KALRN: variants seen among roughly 807,000 people sequenced by gnomAD.
KALRN encodes kalirin RhoGEF kinase.
A neutral mutation model predicts 353.7 loss-of-function variants in KALRN; 70 were observed. The ratio of observed to expected loss-of-function variants is 0.20; its 90% CI spans 0.16 to 0.24. The LOEUF is 0.24. Ranked by LOEUF, KALRN falls within the 10% of genes least tolerant of loss-of-function variation. KALRN has a pLI of 1.00. For missense variants in KALRN, 2,791 were observed against 3,756.7 expected (o/e 0.74, Z 6.72); for synonymous variants, 1,391 against 1,434.8 (o/e 0.97, Z 0.69).
Position 124,511,583 on chromosome 3 carries a change from C to T in KALRN, c.4935+15170C>T, listed in dbSNP as rs142741356. Among the ~76,000 whole-genome samples the T allele has an allele frequency of 2.0e-5, 3 of 152,294 alleles. No homozygotes were observed. The East Asian group carries it at 5.8e-4, about 29-fold the overall frequency. ...GAAGAAGAGCATGGCTCCCAAACCACATAGCACTTTCTAGGACCTAGAGCC... is the reference window on the plus strand; with the variant it reads ...GAAGAAGAGCATGGCTCCCAAACCATATAGCACTTTCTAGGACCTAGAGCC... On this transcript the variant is annotated intron_variant, in intron 33 of 59. Transcript: ENST00000682506.
At chr3:124,646,049 A>G (rs1161737427) in intron 37 of KALRN, among the ~76,000 whole-genome samples, 1 of 152,094 alleles carries the variant, frequency 6.6e-6, no homozygotes, top group Admixed American at 6.5e-5. Flanking sequence ...TTTTGTTCTT[A>G]ATAGCCATCC....
rs577805523 is a variant in KALRN, at chr3:124,081,150, C to G, written c.73+47337C>G. On this transcript the variant is annotated intron_variant, in intron 1 of 59. Transcript: ENST00000682506. ...CCAGACTCACCTTCTATGACATTCTCCTGTCTACTGTAGCGGGACTGTCAT... is the reference window on the plus strand; with the variant it reads ...CCAGACTCACCTTCTATGACATTCTGCTGTCTACTGTAGCGGGACTGTCAT... 2.6e-5 allele frequency among the ~76,000 whole-genome samples: 4 copies of G among 152,350 alleles called. No homozygotes were observed. In the South Asian group the frequency reaches 8.3e-4, roughly 32 times the overall value.
intron 10 of KALRN, among the ~76,000 whole-genome samples, chr3:124,371,451 G>A (rs1303003104): frequency 1.3e-5 from 2 of 152,118 alleles, no homozygotes; most frequent in Non-Finnish European, 2.9e-5. Flanking sequence ...TATATATCCA[G>A]TAACAGAATT....
intron 37 of KALRN, among the ~76,000 whole-genome samples, chr3:124,638,159 G>A (rs1329684889): frequency 6.6e-6 from 1 of 152,116 alleles, no homozygotes; most frequent in African/African-American, 2.4e-5. Context: ...CTATTGGGCA[G>A]TCTTATTAAT....
chr3:124,234,714 T>C, intron 2 of KALRN, 115 bp from the exon 3 acceptor site: 1 of 763,574 alleles, frequency 1.3e-6, no homozygotes, highest in Non-Finnish European at 2.2e-6. Context: ...ACCAGATTTC[T>C]CTGGATACCC....
At chr3:124,103,624 C>T (rs1226913880) in intron 1 of KALRN, among the ~76,000 whole-genome samples, 1 of 152,050 alleles carries the variant, frequency 6.6e-6, no homozygotes, top group African/African-American at 2.4e-5. Flanking sequence ...GCTCGCTGCC[C>T]TTAGGGAGCT....
intron 5 of KALRN, among the ~76,000 whole-genome samples, chr3:124,282,670 C>A (rs1481025636): frequency 1.3e-5 from 2 of 152,218 alleles, no homozygotes; most frequent in African/African-American, 4.8e-5. Flanking sequence ...AGCCACCACG[C>A]CTGGCCTCTA....
At chr3:124,557,118 T>A (rs1577960421) in intron 33 of KALRN, among the ~76,000 whole-genome samples, 1 of 152,120 alleles carries the variant, frequency 6.6e-6, no homozygotes, top group Non-Finnish European at 1.5e-5. Flanking sequence ...ACACATGCAG[T>A]TTTGTCACCT....
intron 34 of KALRN, among the ~76,000 whole-genome samples, chr3:124,593,568 C>T (rs971141764): frequency 5.9e-5 from 9 of 152,246 alleles, no homozygotes; most frequent in Admixed American, 5.9e-4. Context: ...TTGTTCTTTT[C>T]TCTCTTTTCT....
chr3:124,477,209 T>A, intron 26 of KALRN, 36 bp from the exon 27 acceptor site: 1 of 1,464,470 alleles, frequency 6.8e-7, no homozygotes, highest in Admixed American at 1.7e-5. Context: ...GAACAACTAA[T>A]GAATGCTTAT....
intron 1 of KALRN, among the ~76,000 whole-genome samples, chr3:124,056,863 C>A (rs528614372): frequency 6.6e-6 from 1 of 152,326 alleles, no homozygotes; most frequent in African/African-American, 2.4e-5. Context: ...GTTCAGTCAA[C>A]AATTTTAGGG....
intron 1 of KALRN, among the ~76,000 whole-genome samples, chr3:124,113,580 G>A (rs2063191890): frequency 6.6e-6 from 1 of 152,206 alleles, no homozygotes; most frequent in South Asian, 2.1e-4. Context: ...GGCTGTACCT[G>A]TGTACCTGCT....
intron 5 of KALRN, among the ~76,000 whole-genome samples, chr3:124,290,082 TAG>T (rs1168115286): frequency 6.6e-6 from 1 of 152,212 alleles, no homozygotes; most frequent in Admixed American, 6.5e-5. Flanking sequence ...CTTTCAAAAT[TAG>T]AGTTTTCCTG....
At chr3:124,470,179 C>T (rs1649729276) in intron 25 of KALRN, among the ~76,000 whole-genome samples, 1 of 152,120 alleles carries the variant, frequency 6.6e-6, no homozygotes, top group African/African-American at 2.4e-5. Flanking sequence ...TGAAAGAACC[C>T]CAGACATTCA....
rs150076183 is a variant in KALRN at position 124,562,218 on chromosome 3, C to G, written c.4936-625C>G. Reference sequence around the variant, plus strand: ...CTTTACTTCTGCCTTTGAATTGAAGCCCCATTCTTTTTGTAGTCCTCGTAG... The same window carrying G: ...CTTTACTTCTGCCTTTGAATTGAAGGCCCATTCTTTTTGTAGTCCTCGTAG... On this transcript the variant is annotated intron_variant, in intron 33 of 59. Coordinates refer to ENST00000682506, the MANE Select transcript of KALRN (RefSeq NM_001388419.1). Among the ~76,000 whole-genome samples the G allele has an allele frequency of 9.8e-4, 150 of 152,294 alleles. 2 individuals are homozygous for G. In the East Asian group the frequency reaches 0.027, roughly 28 times the overall value.
intron 33 of KALRN, among the ~76,000 whole-genome samples, chr3:124,510,667 C>A (rs943648708): frequency 6.6e-6 from 1 of 152,108 alleles, no homozygotes; most frequent in Admixed American, 6.6e-5. Context: ...TTCTTTGTAG[C>A]TGCCGTCAGT....
chr3:124,535,775 A>G (rs2068455501), intron 33 of KALRN, among the ~76,000 whole-genome samples: 1 of 152,318 alleles, frequency 6.6e-6, no homozygotes. Context: ...CTTAAATAAC[A>G]GAGAAGTTTA....
chr3:124,084,991 C>CT (rs1294112123), intron 1 of KALRN, among the ~76,000 whole-genome samples: 3 of 152,190 alleles, frequency 2.0e-5, no homozygotes, highest in Admixed American at 2.0e-4. Flanking sequence ...TTCTGATAGA[C>CT]GTACCATGTA....
At chr3:124,670,149 A>T (rs1317109600) in intron 47 of KALRN, among the ~76,000 whole-genome samples, 1 of 151,938 alleles carries the variant, frequency 6.6e-6, no homozygotes, top group Non-Finnish European at 1.5e-5. Context: ...AGAAATGCTA[A>T]TTTTTGTATT....
Sources: gnomAD v4.1 joint callset for allele counts (sites outside exome capture counted in the v4.1 genomes callset) on GRCh38, gnomAD v4.1.1 for gene constraint, MANE v1.5 for transcripts, NCBI Gene and HGNC (gene_info 2026-07-23, HGNC 2026-07-21) for gene names.